Variants in NPAS3 observed in about 807,000 individuals in gnomAD.
NPAS3 encodes neuronal PAS domain protein 3, also known as neuronal PAS domain-containing protein 3.
In NPAS3, 14 loss-of-function variants were observed where a neutral mutation model predicts 73.1. The ratio of observed to expected loss-of-function variants is 0.19; its 90% CI spans 0.13 to 0.30. NPAS3 has a LOEUF of 0.30. Ranked by LOEUF, NPAS3 falls within the 10% of genes least tolerant of loss-of-function variation. NPAS3 has a pLI of 1.00. For synonymous variants in NPAS3, 620 were observed against 541.5 expected (o/e 1.14, Z -2.01); for missense variants, 1,096 against 1,250.0 (o/e 0.88, Z 1.86).
chr14:33,309,728 A>G (rs1203598708), intron 3 of NPAS3, among the ~76,000 whole-genome samples: 1 of 152,238 alleles, frequency 6.6e-6, no homozygotes, highest in African/African-American at 2.4e-5. Flanking sequence ...TTTATTGCTT[A>G]ATTTTTAAAA....
intron 3 of NPAS3, among the ~76,000 whole-genome samples, chr14:33,277,066 C>T (rs937368845): frequency 6.6e-6 from 1 of 152,026 alleles, no homozygotes; most frequent in Non-Finnish European, 1.5e-5. Flanking sequence ...AAAAATCAAG[C>T]AGTATAGGGT....
intron 3 of NPAS3, among the ~76,000 whole-genome samples, chr14:33,322,782 G>A (rs933781751): frequency 5.9e-5 from 9 of 152,048 alleles, no homozygotes; most frequent in African/African-American, 2.2e-4. Flanking sequence ...CTTGGTAATC[G>A]TGAAATTTCA....
chr14:33,719,777 T>C (rs1299099873), intron 6 of NPAS3, among the ~76,000 whole-genome samples: 1 of 152,110 alleles, frequency 6.6e-6, no homozygotes, highest in African/African-American at 2.4e-5. Context: ...AAGTGAACCG[T>C]CATATGGTAA....
chr14:33,536,524 T>A (rs906475263), intron 4 of NPAS3, among the ~76,000 whole-genome samples: 1 of 152,126 alleles, frequency 6.6e-6, no homozygotes, highest in African/African-American at 2.4e-5. Context: ...GAAGAAGTGT[T>A]TCCTCAACTT....
intron 4 of NPAS3, among the ~76,000 whole-genome samples, chr14:33,489,228 A>C (rs2051767893): frequency 6.6e-6 from 1 of 152,122 alleles, no homozygotes; most frequent in East Asian, 1.9e-4. Flanking sequence ...TACAATTTCT[A>C]CTCTTTCGGA....
chr14:33,568,875 C>T (rs1171269877), intron 5 of NPAS3, among the ~76,000 whole-genome samples: 1 of 152,148 alleles, frequency 6.6e-6, no homozygotes. Flanking sequence ...ATCTTTCATC[C>T]TCACTCCCTT....
intron 9 of NPAS3, among the ~76,000 whole-genome samples, chr14:33,781,323 A>G (rs1228621438): frequency 1.3e-5 from 2 of 152,222 alleles, no homozygotes; most frequent in Admixed American, 6.5e-5. Context: ...TACAATAAAC[A>G]TTAACATCAT....
chr14:33,082,113 G>A (rs1271479489), intron 2 of NPAS3, among the ~76,000 whole-genome samples: 2 of 152,214 alleles, frequency 1.3e-5, no homozygotes, highest in Non-Finnish European at 2.9e-5. Flanking sequence ...TGGTTGACTG[G>A]CCCAAAGAGA....
chr14:33,004,295 T>C (rs1405871455), intron 1 of NPAS3, among the ~76,000 whole-genome samples: 2 of 152,210 alleles, frequency 1.3e-5, no homozygotes, highest in Admixed American at 6.5e-5. Context: ...TGATATAGCC[T>C]GCTACACACT....
intron 1 of NPAS3, among the ~76,000 whole-genome samples, chr14:33,036,471 G>C (rs2054124163): frequency 6.6e-6 from 1 of 152,066 alleles, no homozygotes. Context: ...CCTAAAGATA[G>C]TAGAAAGAAA....
intron 2 of NPAS3, among the ~76,000 whole-genome samples, chr14:33,202,395 C>T (rs968948411): frequency 9.2e-5 from 14 of 151,580 alleles, no homozygotes; most frequent in Middle Eastern, 3.4e-3. Flanking sequence ...AGAGTAAGAC[C>T]CTGTCTTAAA....
At position 32,989,808 on chromosome 14, in the gene NPAS3, G is replaced by C. The variant is rs189311401; in HGVS notation, c.50+50442G>C. On this transcript the variant is annotated intron_variant, in intron 1 of 11. Coordinates refer to ENST00000356141, the Ensembl canonical transcript of NPAS3. ...GCTTGGGAGTGAGCTAGTTAGATTT[G>C]AATTTCAGAAAGATGACTCTGGTAG... Among the ~76,000 whole-genome samples, 153 of 152,330 alleles carry C rather than the reference G, an allele frequency of 1.0e-3. No homozygotes were observed. The Middle Eastern group carries it at 0.01, about 10-fold the overall frequency.
intron 1 of NPAS3, among the ~76,000 whole-genome samples, chr14:32,972,795 G>A (rs2037491799): frequency 6.6e-6 from 1 of 152,176 alleles, no homozygotes; most frequent in South Asian, 2.1e-4. Flanking sequence ...TCAGGAACTG[G>A]AAATGGATAG....
intron 1 of NPAS3, among the ~76,000 whole-genome samples, chr14:32,999,202 A>T (rs1475242882): frequency 6.6e-6 from 1 of 152,096 alleles, no homozygotes; most frequent in Non-Finnish European, 1.5e-5. Context: ...GAGGAATTAG[A>T]TGGGTATTAT....
chr14:33,282,998 A>T (rs1197279437), intron 3 of NPAS3, among the ~76,000 whole-genome samples: 1 of 152,208 alleles, frequency 6.6e-6, no homozygotes, highest in Non-Finnish European at 1.5e-5. Context: ...AAAATGAGAG[A>T]TTTAAGAAAC....
At chr14:33,479,766 C>CCTT (rs147512180) in intron 4 of NPAS3, among the ~76,000 whole-genome samples, 29,677 of 152,072 alleles carry the variant, frequency 0.2, 3,549 homozygotes, top group African/African-American at 0.34. Context: ...CTGGCTGTCT[C>CCTT]CTTTGCCAGC....
At chr14:33,433,966 G>A (rs949927353) in intron 4 of NPAS3, among the ~76,000 whole-genome samples, 8 of 151,684 alleles carry the variant, frequency 5.3e-5, no homozygotes, top group East Asian at 2.0e-4. Flanking sequence ...CGAGGTGGGC[G>A]GATCACCTGA....
intron 1 of NPAS3, among the ~76,000 whole-genome samples, chr14:32,994,662 C>T (rs569791280): frequency 1.5e-5 from 2 of 134,236 alleles, no homozygotes; most frequent in Non-Finnish European, 1.5e-5. Flanking sequence ...GACAGAGTCT[C>T]ACTCCATTGC....
At chr14:33,021,960 G>A (rs1480845505) in intron 1 of NPAS3, among the ~76,000 whole-genome samples, 1 of 152,152 alleles carries the variant, frequency 6.6e-6, no homozygotes, top group Non-Finnish European at 1.5e-5. Flanking sequence ...GCACTGATGA[G>A]GAAACTAAAT....
Sources: gnomAD v4.1 joint callset for allele counts (sites outside exome capture counted in the v4.1 genomes callset) on GRCh38, gnomAD v4.1.1 for gene constraint, MANE v1.5 for transcripts, NCBI Gene and HGNC (gene_info 2026-07-23, HGNC 2026-07-21) for gene names.